The following SWT1 variants were observed in gnomAD, a reference collection of about 807,000 sequenced individuals.
The protein encoded by SWT1 is transcriptional protein SWT1.
Under a neutral mutation model 107.3 loss-of-function variants are expected in SWT1, and 33 were observed. The ratio of observed to expected loss-of-function variants is 0.31; its 90% CI spans 0.23 to 0.41. The LOEUF is 0.41. SWT1 is among the 10% of genes least tolerant of loss of function. SWT1 has a pLI of 1.00. For missense variants in SWT1, 898 were observed against 1,028.9 expected (o/e 0.87, Z 1.74); for synonymous variants, 345 against 348.3 (o/e 0.99, Z 0.11).
At chr1:185,171,247 A>G (rs1012418957) in intron 4 of SWT1, 1 of 179,124 alleles carries the variant, frequency 5.6e-6, no homozygotes, top group Non-Finnish European at 1.2e-5. Context: ...TGTTCAATCC[A>G]TACTGCACAG....
intron 15 of SWT1, among the ~76,000 whole-genome samples, chr1:185,229,344 A>G (rs1660329030): frequency 6.6e-6 from 1 of 152,174 alleles, no homozygotes; most frequent in South Asian, 2.1e-4. Context: ...TAGTACCCAC[A>G]GCAAAAGATG....
chr1:185,204,235 G>A (rs1281874373), intron 11 of SWT1, among the ~76,000 whole-genome samples: 1 of 151,458 alleles, frequency 6.6e-6, no homozygotes, highest in Non-Finnish European at 1.5e-5. Flanking sequence ...CCAAGATCGC[G>A]CCACTGCATC....
chr1:185,182,668 CAAAA>C (rs59326029), intron 7 of SWT1, among the ~76,000 whole-genome samples: 1,199 of 67,060 alleles, frequency 0.018, 14 homozygotes, highest in African/African-American at 0.063. Context: ...CTCTCTCTCT[CAAAA>C]AAAAAAAAAA....
intron 18 of SWT1, among the ~76,000 whole-genome samples, chr1:185,282,704 C>T (rs932360797): frequency 5.9e-5 from 9 of 151,908 alleles, no homozygotes; most frequent in African/African-American, 2.2e-4. Context: ...TTGATGAGCC[C>T]GCAACCTGTG....
intron 4 of SWT1, among the ~76,000 whole-genome samples, chr1:185,173,847 T>C (rs1428564206): frequency 1.3e-5 from 2 of 152,128 alleles, no homozygotes; most frequent in African/African-American, 4.8e-5. Context: ...CAAAACCTTG[T>C]CACTACAAAA....
rs749597082 is a variant in SWT1, at chr1:185,184,204, G to A, written c.1139-39G>A. The A allele has an allele frequency of 5.6e-6, 6 of 1,063,070 alleles. No homozygotes were observed. In the South Asian group the frequency reaches 8.5e-5, roughly 15 times the overall value. The allele number at this position is 1,063,070 out of a possible 1,614,324, so 65.9% of individuals were successfully genotyped here. A position where few individuals can be genotyped will look rare whatever the true frequency, so the allele number is the denominator to read the frequency against. The stretch of plus-strand genomic sequence containing the variant: ...AAAATTTTAGTCATTATATAAGTCT[G>A]TTATCAAGTGTCATGAAATATTTGC... On this transcript the variant is annotated intron_variant, in intron 7 of 18. Coordinates refer to ENST00000367500, the MANE Select transcript of SWT1 (RefSeq NM_017673.7).
At chr1:185,280,242 T>G (rs1350060143) in intron 18 of SWT1, among the ~76,000 whole-genome samples, 1 of 152,202 alleles carries the variant, frequency 6.6e-6, no homozygotes, top group Non-Finnish European at 1.5e-5. Context: ...GAAGGTGCCT[T>G]GCTTCCCCTT....
chr1:185,230,031 A>T (rs987790036), intron 15 of SWT1, among the ~76,000 whole-genome samples: 2 of 152,166 alleles, frequency 1.3e-5, no homozygotes, highest in Non-Finnish European at 2.9e-5. Context: ...CAGCATTGTG[A>T]ATGTACTAAA....
At chr1:185,240,596 A>G (rs960715707) in intron 16 of SWT1, among the ~76,000 whole-genome samples, 7 of 152,132 alleles carry the variant, frequency 4.6e-5, no homozygotes, top group South Asian at 2.1e-4. Flanking sequence ...CATATGCTGC[A>G]TGGGCATTTG....
intron 13 of SWT1, among the ~76,000 whole-genome samples, chr1:185,212,071 G>T (rs1427719031): frequency 1.3e-5 from 2 of 151,750 alleles, no homozygotes; most frequent in Non-Finnish European, 2.9e-5. Context: ...TGGGGGGAGT[G>T]GGGAGGGACA....
chr1:185,234,427 T>A (rs1660717855), intron 16 of SWT1, among the ~76,000 whole-genome samples: 1 of 152,240 alleles, frequency 6.6e-6, no homozygotes, highest in Admixed American at 6.5e-5. Context: ...GAGACTAGGA[T>A]TGCAACCCCT....
intron 18 of SWT1, among the ~76,000 whole-genome samples, chr1:185,278,196 C>T (rs1011225296): frequency 2.0e-5 from 3 of 152,086 alleles, no homozygotes; most frequent in African/African-American, 7.2e-5. Flanking sequence ...GCTTGTGTAC[C>T]CTCCAAACTT....
intron 10 of SWT1, among the ~76,000 whole-genome samples, chr1:185,191,246 C>T (rs1442906955): frequency 2.0e-5 from 3 of 152,128 alleles, no homozygotes; most frequent in African/African-American, 4.8e-5. Context: ...CTCCTTCTCC[C>T]TTCCCCCTGC....
chr1:185,291,436 G>A lies in SWT1; in HGVS notation c.*633G>A, dbSNP rs1665243035. 1.3e-5 allele frequency: 2 copies of A among 152,494 alleles called. No individual in the cohort carries two copies. Among genetic ancestry groups the A allele is most frequent in the South Asian group, 4.2e-4 (2 of 4,818 alleles). The allele number at this position is 152,494 out of a possible 1,614,324, so 9.4% of individuals were successfully genotyped here. On this transcript the variant is annotated 3_prime_UTR_variant, in exon 19 of 19. Transcript: ENST00000367500. Reference sequence around the variant, plus strand: ...GTACATTTCTAGTGGGGAAGAGCAGGGCGACCCCTCTGCTGGGTTTCTCCT... The same window carrying A: ...GTACATTTCTAGTGGGGAAGAGCAGAGCGACCCCTCTGCTGGGTTTCTCCT...
chr1:185,167,794 C>T (rs1341683568), intron 3 of SWT1, among the ~76,000 whole-genome samples: 3 of 152,076 alleles, frequency 2.0e-5, no homozygotes, highest in Non-Finnish European at 2.9e-5. Flanking sequence ...TTCTTTTACT[C>T]GTCTTTCAAG....
chr1:185,164,676 G>A (rs1654430401), intron 2 of SWT1, among the ~76,000 whole-genome samples: 1 of 152,154 alleles, frequency 6.6e-6, no homozygotes. Context: ...TTCTTCTGAA[G>A]CTTCCTCACA....
At chr1:185,235,227 A>G (rs1660780188) in intron 16 of SWT1, among the ~76,000 whole-genome samples, 1 of 152,248 alleles carries the variant, frequency 6.6e-6, no homozygotes, top group Non-Finnish European at 1.5e-5. Context: ...GGCCAGCATC[A>G]TCCTGATACC....
chr1:185,159,122 A>G (rs1301594956), intron 1 of SWT1, among the ~76,000 whole-genome samples: 2 of 152,174 alleles, frequency 1.3e-5, no homozygotes, highest in Non-Finnish European at 2.9e-5. Context: ...AGACGTCATG[A>G]TATCTTATAT....
chr1:185,240,568 G>A (rs931087225), intron 16 of SWT1, among the ~76,000 whole-genome samples: 6 of 152,004 alleles, frequency 3.9e-5, no homozygotes, highest in South Asian at 4.1e-4. Context: ...ACTGCTAACC[G>A]TTGTGTTTGG....
Sources: allele counts gnomAD v4.1 joint callset (sites outside exome capture counted in the v4.1 genomes callset), GRCh38; gene constraint gnomAD v4.1.1; transcripts MANE v1.5; gene names NCBI Gene and HGNC (gene_info 2026-07-23, HGNC 2026-07-21).